PBX3: variants seen among roughly 807,000 people sequenced by gnomAD.
PBX3 encodes PBX homeobox 3, also known as pre-B-cell leukemia transcription factor 3.
In PBX3, 14 loss-of-function variants were observed where a neutral mutation model predicts 48.5. The ratio of observed to expected loss-of-function variants is 0.29; its 90% confidence interval spans 0.19 to 0.45. The LOEUF (loss-of-function observed/expected upper bound fraction) is 0.45. Among genes scored for constraint, PBX3 ranks in the 20% least tolerant of loss-of-function variants. The pLI, the probability that PBX3 is intolerant of heterozygous loss-of-function variation, is 1.00. For missense variants in PBX3, 386 were observed against 546.7 expected (o/e 0.71, Z 2.93); for synonymous variants, 210 against 200.3 (o/e 1.05, Z -0.41).
chr9:125,960,938 T>C, intron 6 of PBX3, 89 bp downstream of exon 6: 17 of 545,320 alleles, frequency 3.1e-5, no homozygotes, highest in Non-Finnish European at 5.1e-5. Context: ...AGAGCCATAC[T>C]GAGGACAGAG....
At chr9:125,792,064 ACGCACGCACG>A (rs1564657232) in intron 2 of PBX3, among the ~76,000 whole-genome samples, 2 of 151,938 alleles carry the variant, frequency 1.3e-5, no homozygotes, top group African/African-American at 4.8e-5. Context: ...GCACGCACGC[ACGCACGCACG>A]CATATAAATA....
intron 1 of PBX3, 120 bp downstream of exon 1, chr9:125,747,773 G>GA: frequency 2.8e-6 from 2 of 723,734 alleles, no homozygotes; most frequent in Non-Finnish European, 2.1e-6. Flanking sequence ...AACTTTCTCC[G>GA]AAAGCCGGCC....
chr9:125,957,899 AATTATGT>A (rs1318671791), intron 5 of PBX3, among the ~76,000 whole-genome samples: 1 of 152,194 alleles, frequency 6.6e-6, no homozygotes, highest in African/African-American at 2.4e-5. Context: ...CTAGAGTGAT[AATTATGT>A]ATTAAAAGAG....
chr9:125,878,293 A>G (rs1840302512), intron 2 of PBX3, among the ~76,000 whole-genome samples: 2 of 152,220 alleles, frequency 1.3e-5, no homozygotes, highest in African/African-American at 4.8e-5. Flanking sequence ...GGAGTGTCTG[A>G]AAATGGCAGC....
intron 2 of PBX3, among the ~76,000 whole-genome samples, chr9:125,805,256 G>T (rs1317766601): frequency 6.6e-6 from 1 of 152,084 alleles, no homozygotes; most frequent in African/African-American, 2.4e-5. Flanking sequence ...TGTTGGACTT[G>T]AGGAACAGAG....
chr9:125,816,786 A>G (rs1324864013), intron 2 of PBX3, among the ~76,000 whole-genome samples: 4 of 152,210 alleles, frequency 2.6e-5, no homozygotes, highest in Non-Finnish European at 5.9e-5. Flanking sequence ...ACATTTCAAC[A>G]CTGAAATTGC....
At chr9:125,923,807 C>T (rs138271164) in intron 3 of PBX3, among the ~76,000 whole-genome samples, 4 of 147,420 alleles carry the variant, frequency 2.7e-5, no homozygotes, top group Non-Finnish European at 6.0e-5. Flanking sequence ...CTCAAACATT[C>T]CTCCTGCCTC....
chr9:125,840,420 G>A (rs542458888), intron 2 of PBX3, among the ~76,000 whole-genome samples: 2 of 151,656 alleles, frequency 1.3e-5, no homozygotes, highest in African/African-American at 4.8e-5. Flanking sequence ...AAAAGGTGTA[G>A]TAACATATTT....
chr9:125,801,252 C>T (rs767270095), intron 2 of PBX3, among the ~76,000 whole-genome samples: 1 of 152,146 alleles, frequency 6.6e-6, no homozygotes, highest in Non-Finnish European at 1.5e-5. Context: ...TCTCTGTTTT[C>T]ATCCTGCCAA....
At chr9:125,933,826 A>G (rs376726681) in intron 4 of PBX3, among the ~76,000 whole-genome samples, 17 of 152,302 alleles carry the variant, frequency 1.1e-4, no homozygotes, top group African/African-American at 3.4e-4. Flanking sequence ...AATAATGTCT[A>G]TGGGCCAGAT....
intron 2 of PBX3, among the ~76,000 whole-genome samples, chr9:125,893,327 T>C (rs546992605): frequency 7.9e-5 from 12 of 152,356 alleles, no homozygotes; most frequent in African/African-American, 2.9e-4. Context: ...ATCGAGACTT[T>C]AATCTGTGGA....
chr9:125,749,385 C>T (rs1379006564), intron 2 of PBX3: 1 of 152,164 alleles, frequency 6.6e-6, no homozygotes, highest in Non-Finnish European at 1.5e-5. Context: ...TTCAGTTTAA[C>T]TTTCTTGTCA....
chr9:125,748,338 T>G, intron 1 of PBX3: 4 of 1,248,776 alleles, frequency 3.2e-6, no homozygotes, highest in South Asian at 1.9e-5. Context: ...GCCGGGCAGA[T>G]GGGTCCGCCT....
At chr9:125,829,979 T>C (rs1271208977) in intron 2 of PBX3, among the ~76,000 whole-genome samples, 1 of 152,178 alleles carries the variant, frequency 6.6e-6, no homozygotes, top group African/African-American at 2.4e-5. Flanking sequence ...TGACATGGTG[T>C]CCCTTGTGGA....
chr9:125,858,068 A>T (rs1266525412), intron 2 of PBX3, among the ~76,000 whole-genome samples: 1 of 152,224 alleles, frequency 6.6e-6, no homozygotes, highest in Non-Finnish European at 1.5e-5. Flanking sequence ...AATTATGAGC[A>T]TTAACAGCAT....
rs191425730 is a variant in PBX3 at position 125,843,867 on chromosome 9, G to A, written c.275-71819G>A. ...TGCTGAGGCAATTACAGCTTAATGG[G>A]GTCATTTGGAAGGCAATTGCCAGGG... On this transcript the variant is annotated intron_variant, in intron 2 of 8. Transcript: ENST00000373489. 1.7e-3 allele frequency: 760 copies of A among 455,050 alleles called. 1 individual carries two copies. The highest frequency in any genetic ancestry group is 2.7e-3 in the Non-Finnish European group (607 of 226,314). 28.2% of individuals were successfully genotyped at this position (455,050 alleles called of 1,614,324 possible).
At chr9:125,937,708 T>G (rs2132535822) in intron 5 of PBX3, among the ~76,000 whole-genome samples, 1 of 152,342 alleles carries the variant, frequency 6.6e-6, no homozygotes, top group African/African-American at 2.4e-5. Context: ...TCACACAGGC[T>G]GGAGTGCAGG....
intron 2 of PBX3, among the ~76,000 whole-genome samples, chr9:125,845,151 T>C (rs920789704): frequency 2.0e-5 from 3 of 152,108 alleles, no homozygotes; most frequent in Non-Finnish European, 4.4e-5. Context: ...CGTACCTAAA[T>C]CTTTCGGAAA....
At chr9:125,757,303 A>T (rs751817380) in intron 2 of PBX3, among the ~76,000 whole-genome samples, 1 of 151,838 alleles carries the variant, frequency 6.6e-6, no homozygotes, top group Non-Finnish European at 1.5e-5. Context: ...ACTACAGGTG[A>T]AGGTTGTTGG....
Sources: gnomAD v4.1 joint callset for allele counts (sites outside exome capture counted in the v4.1 genomes callset) on GRCh38, gnomAD v4.1.1 for gene constraint, MANE v1.5 for transcripts, NCBI Gene and HGNC (gene_info 2026-07-23, HGNC 2026-07-21) for gene names.